The following GMDS variants were observed in gnomAD, a reference collection of about 807,000 sequenced individuals.
GMDS encodes the protein GDP-mannose 4,6-dehydratase.
GMDS carries 20 observed loss-of-function variants against 49.9 expected under a neutral mutation model. The observed-to-expected ratio is 0.40, with a 90% confidence interval of 0.28 to 0.58. The LOEUF (loss-of-function observed/expected upper bound fraction) is 0.58. Among genes scored for constraint, GMDS ranks in the 20% least tolerant of loss-of-function variants. GMDS has a pLI of 0.42. For synonymous variants in GMDS, 177 were observed against 178.6 expected, an observed-to-expected ratio of 0.99 and a Z score of 0.07; for missense variants, 362 against 481.4, an observed-to-expected ratio of 0.75 and a Z score of 2.32.
At chr6:1,797,797 GTGTGCATT>G (rs1390377483) in intron 7 of GMDS, among the ~76,000 whole-genome samples, 3 of 152,184 alleles carry the variant, frequency 2.0e-5, no homozygotes, top group African/African-American at 7.2e-5. Context: ...ACAAGGGAAG[GTGTGCATT>G]TGTGGACCCC....
At chr6:2,050,886 T>C (rs1475309323) in intron 4 of GMDS, among the ~76,000 whole-genome samples, 1 of 152,102 alleles carries the variant, frequency 6.6e-6, no homozygotes, top group Non-Finnish European at 1.5e-5. Flanking sequence ...CTGCATTTTC[T>C]CACTCATAGG....
chr6:1,663,601 G>A (rs1764151555), intron 9 of GMDS, among the ~76,000 whole-genome samples: 2 of 152,028 alleles, frequency 1.3e-5, no homozygotes, highest in Non-Finnish European at 2.9e-5. Flanking sequence ...GGCCTGCACC[G>A]CCTTATGTGA....
At chr6:1,726,954 G>C (rs1766614226) in intron 8 of GMDS, among the ~76,000 whole-genome samples, 1 of 150,708 alleles carries the variant, frequency 6.6e-6, no homozygotes. Flanking sequence ...GGGATATTCA[G>C]AGTTAATTCA....
At chr6:2,009,959 T>C (rs976243215) in intron 4 of GMDS, among the ~76,000 whole-genome samples, 3 of 152,120 alleles carry the variant, frequency 2.0e-5, no homozygotes, top group Non-Finnish European at 4.4e-5. Context: ...AAAACTGTCA[T>C]AAATTGATAA....
intron 7 of GMDS, among the ~76,000 whole-genome samples, chr6:1,906,545 C>G (rs747697458): frequency 1.3e-5 from 2 of 152,194 alleles, no homozygotes; most frequent in Non-Finnish European, 2.9e-5. Context: ...TACATGCACT[C>G]ACTGATTTTA....
intron 4 of GMDS, among the ~76,000 whole-genome samples, chr6:2,040,614 T>G (rs1769618717): frequency 6.6e-6 from 1 of 152,200 alleles, no homozygotes; most frequent in Non-Finnish European, 1.5e-5. Flanking sequence ...TGTAGAGGAC[T>G]TTATGAAGAG....
intron 7 of GMDS, among the ~76,000 whole-genome samples, chr6:1,897,042 G>A (rs1377830389): frequency 6.6e-6 from 1 of 152,178 alleles, no homozygotes; most frequent in Admixed American, 6.5e-5. Flanking sequence ...AGATTCGGGA[G>A]GAGCAGCAGG....
chr6:2,181,465 A>G (rs1778526929), intron 1 of GMDS, among the ~76,000 whole-genome samples: 1 of 152,118 alleles, frequency 6.6e-6, no homozygotes, highest in South Asian at 2.1e-4. Flanking sequence ...TTGCTGTGCT[A>G]CGTTTTATTG....
At chr6:2,116,571 C>A (rs1387384059) in intron 3 of GMDS, among the ~76,000 whole-genome samples, 2 of 152,190 alleles carry the variant, frequency 1.3e-5, no homozygotes, top group Non-Finnish European at 2.9e-5. Flanking sequence ...TCAAAGACAA[C>A]ACACTTCATG....
intron 4 of GMDS, among the ~76,000 whole-genome samples, chr6:2,029,633 C>G (rs1018350761): frequency 4.6e-5 from 7 of 152,152 alleles, no homozygotes; most frequent in African/African-American, 1.7e-4. Flanking sequence ...TTTTACAAGA[C>G]TTGTGTCAGG....
chr6:2,230,463 T>C (rs1049807766), intron 1 of GMDS, among the ~76,000 whole-genome samples: 4 of 152,214 alleles, frequency 2.6e-5, no homozygotes, highest in Non-Finnish European at 4.4e-5. Flanking sequence ...AGATTTCTAG[T>C]TGGGCTCCCA....
At chr6:2,223,401 C>T (rs1003840712) in intron 1 of GMDS, among the ~76,000 whole-genome samples, 2 of 151,686 alleles carry the variant, frequency 1.3e-5, no homozygotes, top group African/African-American at 4.9e-5. Context: ...ATAGTTTAAG[C>T]TGAGGAGCGA....
chr6:2,006,150 G>A (rs1433742705), intron 4 of GMDS, among the ~76,000 whole-genome samples: 12 of 152,106 alleles, frequency 7.9e-5, no homozygotes, highest in South Asian at 2.1e-4. Flanking sequence ...GGCCAGGCAC[G>A]GTGGTTCACG....
intron 1 of GMDS, among the ~76,000 whole-genome samples, chr6:2,174,367 T>A (rs1449547101): frequency 6.6e-6 from 1 of 152,218 alleles, no homozygotes; most frequent in Non-Finnish European, 1.5e-5. Context: ...ATGCTTAAAT[T>A]CACCCATTTC....
intron 4 of GMDS, among the ~76,000 whole-genome samples, chr6:2,057,009 T>C (rs1231259701): frequency 2.6e-5 from 4 of 152,232 alleles, no homozygotes; most frequent in African/African-American, 9.6e-5. Context: ...ATGAATACAC[T>C]GTGAAATGAT....
chr6:1,949,606 C>G (rs938712216), intron 6 of GMDS, among the ~76,000 whole-genome samples: 1 of 152,148 alleles, frequency 6.6e-6, no homozygotes, highest in Non-Finnish European at 1.5e-5. Context: ...GCAATTACAC[C>G]TCATCTCTCC....
At chr6:1,741,756 G>A (rs888933737) in intron 8 of GMDS, among the ~76,000 whole-genome samples, 1 of 123,140 alleles carries the variant, frequency 8.1e-6, no homozygotes, top group African/African-American at 3.2e-5. Context: ...AGGTTGCAGT[G>A]AGCCAAGATC....
intron 4 of GMDS, among the ~76,000 whole-genome samples, chr6:2,066,918 T>C (rs1024112174): frequency 2.0e-5 from 3 of 151,994 alleles, no homozygotes; most frequent in East Asian, 1.9e-4. Context: ...GCGGACCTAA[T>C]ACACATCTAC....
At chr6:2,037,487 G>A (rs1769371145) in intron 4 of GMDS, among the ~76,000 whole-genome samples, 1 of 152,156 alleles carries the variant, frequency 6.6e-6, no homozygotes. Flanking sequence ...CCCTCACAAT[G>A]GGGGAGGGAG....
Sources: gnomAD v4.1 joint callset for allele counts (sites outside exome capture counted in the v4.1 genomes callset) on GRCh38, gnomAD v4.1.1 for gene constraint, MANE v1.5 for transcripts, NCBI Gene and HGNC (gene_info 2026-07-23, HGNC 2026-07-21) for gene names.